The following EYA4 variants were observed in gnomAD, a reference collection of about 807,000 sequenced individuals.
The protein encoded by EYA4 is protein phosphatase EYA4.
EYA4 carries 31 observed loss-of-function variants against 87.9 expected under a neutral mutation model. The observed-to-expected ratio is 0.35, with a 90% confidence interval of 0.27 to 0.48. The LOEUF (loss-of-function observed/expected upper bound fraction) is 0.48, where lower values mean the gene tolerates loss of function less well. Among genes scored for constraint, EYA4 ranks in the 20% least tolerant of loss-of-function variants. EYA4 has a pLI of 0.99. For missense variants in EYA4, 678 were observed against 761.4 expected (o/e 0.89, Z 1.29); for synonymous variants, 263 against 270.6 (o/e 0.97, Z 0.28).
chr6:133,509,572 C>T (rs183822047), intron 14 of EYA4, among the ~76,000 whole-genome samples: 256 of 152,190 alleles, frequency 1.7e-3, no homozygotes, highest in Admixed American at 4.7e-3. Flanking sequence ...GGCAGATGCC[C>T]AAACTACCCT....
intron 3 of EYA4, among the ~76,000 whole-genome samples, chr6:133,397,414 A>G (rs1787897205): frequency 6.6e-6 from 1 of 152,216 alleles, no homozygotes; most frequent in South Asian, 2.1e-4. Flanking sequence ...AATCAGCTGC[A>G]TTCCATCTAG....
intron 2 of EYA4, among the ~76,000 whole-genome samples, chr6:133,377,176 G>A (rs9373052): frequency 0.11 from 16,748 of 151,872 alleles, 1,133 homozygotes; most frequent in South Asian, 0.23. Context: ...AATCCTATGC[G>A]TATTTTAAAT....
intron 1 of EYA4, among the ~76,000 whole-genome samples, chr6:133,267,339 GTTC>G (rs1248706794): frequency 6.6e-6 from 1 of 150,866 alleles, no homozygotes; most frequent in East Asian, 1.9e-4. Context: ...AAAATGTGGT[GTTC>G]TTATTTTTTC....
intron 3 of EYA4, among the ~76,000 whole-genome samples, chr6:133,439,753 T>C (rs1792080395): frequency 6.6e-6 from 1 of 152,230 alleles, no homozygotes; most frequent in Non-Finnish European, 1.5e-5. Flanking sequence ...TTACTGTTTT[T>C]AGCCCCTTCA....
At chr6:133,526,285 T>C (rs1800624941) in intron 19 of EYA4, among the ~76,000 whole-genome samples, 1 of 152,156 alleles carries the variant, frequency 6.6e-6, no homozygotes, top group Non-Finnish European at 1.5e-5. Context: ...GCCTATACTG[T>C]TTTACATAGA....
chr6:133,492,757 C>G (rs1487647609), intron 13 of EYA4, among the ~76,000 whole-genome samples: 1 of 152,088 alleles, frequency 6.6e-6, no homozygotes, highest in Non-Finnish European at 1.5e-5. Flanking sequence ...AGTAAAGTTG[C>G]AGGATACAGA....
intron 1 of EYA4, among the ~76,000 whole-genome samples, chr6:133,270,678 G>T (rs1776617629): frequency 6.6e-6 from 1 of 152,190 alleles, no homozygotes; most frequent in Admixed American, 6.5e-5. Context: ...ATTCCTGGGG[G>T]ATCTGGGCCA....
intron 3 of EYA4, among the ~76,000 whole-genome samples, chr6:133,399,083 C>T (rs908973530): frequency 2.0e-5 from 3 of 152,178 alleles, no homozygotes; most frequent in African/African-American, 7.2e-5. Context: ...CTCACCTCTG[C>T]TGGTGCCCAC....
intron 2 of EYA4, among the ~76,000 whole-genome samples, chr6:133,308,030 C>T (rs1466579565): frequency 7.9e-5 from 12 of 152,144 alleles, no homozygotes; most frequent in Admixed American, 4.6e-4. Context: ...CCCCTGCACA[C>T]GTTCTCTTGC....
intron 2 of EYA4, among the ~76,000 whole-genome samples, chr6:133,344,489 GTCAAA>G (rs1422184433): frequency 1.3e-5 from 2 of 151,982 alleles, no homozygotes. Flanking sequence ...TATCTGGTTG[GTCAAA>G]ACTTCAGGTC....
intron 10 of EYA4, among the ~76,000 whole-genome samples, chr6:133,466,850 G>GA (rs1368530910): frequency 6.6e-6 from 1 of 151,938 alleles, no homozygotes; most frequent in Non-Finnish European, 1.5e-5. Flanking sequence ...GATAGGCGGG[G>GA]GCCTGCTCAC....
chr6:133,297,371 G>A (rs913889758), intron 2 of EYA4, among the ~76,000 whole-genome samples: 3 of 152,182 alleles, frequency 2.0e-5, no homozygotes, highest in African/African-American at 4.8e-5. Context: ...TGAATATTGC[G>A]GGCTTGTGGT....
chr6:133,429,232 G>A lies in EYA4; in HGVS notation c.84-17398G>A, dbSNP rs1184228886. Among the ~76,000 whole-genome samples the A allele has an allele frequency of 2.6e-5, 4 of 152,122 alleles. No individual in the cohort carries two copies. The East Asian group carries it at 7.8e-4, about 30-fold the overall frequency. On this transcript the variant is annotated intron_variant, in intron 3 of 19. Transcript: ENST00000355286. ...GAGCCACTGCACCTGTCCAGATTTA[G>A]CTTCTTTTGAGGCACCAGCCTTTGC... is the stretch of plus-strand genomic sequence containing the variant.
intron 11 of EYA4, among the ~76,000 whole-genome samples, chr6:133,478,458 T>C (rs1795930539): frequency 6.6e-6 from 1 of 151,980 alleles, no homozygotes; most frequent in Admixed American, 6.6e-5. Context: ...AATATATATA[T>C]ACATGAAGAA....
chr6:133,329,847 G>T (rs1781785650), intron 2 of EYA4, among the ~76,000 whole-genome samples: 1 of 152,002 alleles, frequency 6.6e-6, no homozygotes, highest in African/African-American at 2.4e-5. Flanking sequence ...ATTTATAGAC[G>T]TGAATGGTGA....
At chr6:133,415,141 C>G (rs1050087005) in intron 3 of EYA4, among the ~76,000 whole-genome samples, 3 of 152,172 alleles carry the variant, frequency 2.0e-5, no homozygotes, top group African/African-American at 7.2e-5. Flanking sequence ...TCAAACCTGC[C>G]TCCTTTCTCA....
intron 2 of EYA4, among the ~76,000 whole-genome samples, chr6:133,280,851 C>G (rs1777563630): frequency 6.6e-6 from 1 of 152,102 alleles, no homozygotes; most frequent in Non-Finnish European, 1.5e-5. Context: ...ATCCCATGCC[C>G]ATTAGCACAC....
At chr6:133,357,539 C>T (rs1433524751) in intron 2 of EYA4, among the ~76,000 whole-genome samples, 1 of 152,026 alleles carries the variant, frequency 6.6e-6, no homozygotes, top group East Asian at 1.9e-4. Flanking sequence ...AAAAATTCCC[C>T]AAATATCCTT....
At chr6:133,461,544 T>C (rs1355134062) in intron 7 of EYA4, among the ~76,000 whole-genome samples, 1 of 152,172 alleles carries the variant, frequency 6.6e-6, no homozygotes, top group East Asian at 1.9e-4. Flanking sequence ...GAATATGCCT[T>C]ATTGTTTTTA....
Sources: allele counts gnomAD v4.1 joint callset (sites outside exome capture counted in the v4.1 genomes callset), GRCh38; gene constraint gnomAD v4.1.1; transcripts MANE v1.5; gene names NCBI Gene and HGNC (gene_info 2026-07-23, HGNC 2026-07-21).